The following DLGAP1 variants were observed in gnomAD, a reference collection of about 807,000 sequenced individuals.
DLGAP1 encodes DLG associated protein 1.
Under a neutral mutation model 90.8 loss-of-function variants are expected in DLGAP1, and 11 were observed. That is an observed-to-expected ratio of 0.12 (90% CI 0.08 to 0.20). The LOEUF is 0.20. DLGAP1 is among the 10% of genes least tolerant of loss of function. The pLI, the probability that DLGAP1 is intolerant of heterozygous loss-of-function variation, is 1.00. For synonymous variants in DLGAP1, 558 were observed against 540.7 expected (o/e 1.03, Z -0.44); for missense variants, 1,050 against 1,333.8 (o/e 0.79, Z 3.31).
chr18:4,443,393 C>A (rs1049931930), intron 1 of DLGAP1, among the ~76,000 whole-genome samples: 1 of 152,222 alleles, frequency 6.6e-6, no homozygotes, highest in African/African-American at 2.4e-5. Flanking sequence ...TAGCACCAAC[C>A]ATTGGCAGAG....
intron 1 of DLGAP1, among the ~76,000 whole-genome samples, chr18:4,222,546 G>A (rs1287498511): frequency 1.3e-5 from 2 of 151,984 alleles, no homozygotes; most frequent in Middle Eastern, 3.2e-3. Flanking sequence ...CAACAACAAT[G>A]GAAGTCAGGA....
At chr18:3,628,736 C>T (rs919978027) in intron 7 of DLGAP1, among the ~76,000 whole-genome samples, 1 of 152,156 alleles carries the variant, frequency 6.6e-6, no homozygotes, top group African/African-American at 2.4e-5. Flanking sequence ...AAGAAGCTTA[C>T]TACATATATG....
chr18:4,394,166 CA>C (rs11318137), intron 1 of DLGAP1, among the ~76,000 whole-genome samples: 14,537 of 152,062 alleles, frequency 0.096, 996 homozygotes, highest in African/African-American at 0.2. Flanking sequence ...TATGTGAAGA[CA>C]AAACAGTAAA....
At chr18:4,280,009 C>T (rs1336694561) in intron 1 of DLGAP1, among the ~76,000 whole-genome samples, 3 of 152,114 alleles carry the variant, frequency 2.0e-5, no homozygotes, top group Non-Finnish European at 4.4e-5. Flanking sequence ...AAGCTGTCAT[C>T]TTAAGCTATT....
intron 1 of DLGAP1, among the ~76,000 whole-genome samples, chr18:4,273,963 G>A (rs1285152919): frequency 6.6e-6 from 1 of 151,532 alleles, no homozygotes; most frequent in Non-Finnish European, 1.5e-5. Context: ...TGAACAACCA[G>A]CTTTTAGTTT....
chr18:3,898,076 G>T (rs1485343948), intron 3 of DLGAP1, among the ~76,000 whole-genome samples: 3 of 152,160 alleles, frequency 2.0e-5, no homozygotes, highest in Admixed American at 2.0e-4. Flanking sequence ...TTACAGGCGT[G>T]AGCCACTGCG....
At chr18:3,893,439 C>G (rs1403238764) in intron 3 of DLGAP1, among the ~76,000 whole-genome samples, 1 of 151,742 alleles carries the variant, frequency 6.6e-6, no homozygotes, top group African/African-American at 2.4e-5. Flanking sequence ...ATTAGCTGGG[C>G]CTGGTGATGG....
At chr18:4,273,894 T>A (rs2079343386) in intron 1 of DLGAP1, among the ~76,000 whole-genome samples, 1 of 140,048 alleles carries the variant, frequency 7.1e-6, no homozygotes. Context: ...ATTTGTCTTC[T>A]CTCTTTTTTT....
At chr18:4,292,382 G>GT (rs1029072041) in intron 1 of DLGAP1, among the ~76,000 whole-genome samples, 9 of 151,194 alleles carry the variant, frequency 6.0e-5, no homozygotes, top group East Asian at 3.9e-4. Flanking sequence ...CAGCTACCAA[G>GT]TTTTTTTTTC....
chr18:4,089,233 T>C (rs934566849), intron 2 of DLGAP1, among the ~76,000 whole-genome samples: 1 of 152,092 alleles, frequency 6.6e-6, no homozygotes, highest in African/African-American at 2.4e-5. Flanking sequence ...TACCTAGGAA[T>C]ACAACTTACA....
intron 7 of DLGAP1, among the ~76,000 whole-genome samples, chr18:3,602,469 C>T (rs1157156164): frequency 1.3e-5 from 2 of 151,572 alleles, no homozygotes; most frequent in African/African-American, 4.8e-5. Flanking sequence ...GTGGCGGGCG[C>T]CTGTAGTCCC....
chr18:3,984,874 G>C (rs1207641673), intron 3 of DLGAP1, among the ~76,000 whole-genome samples: 1 of 151,928 alleles, frequency 6.6e-6, no homozygotes, highest in Non-Finnish European at 1.5e-5. Flanking sequence ...TGGCATATTT[G>C]ATTCCTGACC....
intron 2 of DLGAP1, among the ~76,000 whole-genome samples, chr18:4,058,494 C>T (rs2075254608): frequency 6.6e-6 from 1 of 152,190 alleles, no homozygotes; most frequent in Admixed American, 6.5e-5. Flanking sequence ...TGCACAGGGC[C>T]TTACTCTGTA....
chr18:3,848,109 T>A (rs1208709141), intron 4 of DLGAP1, among the ~76,000 whole-genome samples: 1 of 108,586 alleles, frequency 9.2e-6, no homozygotes, highest in South Asian at 3.3e-4. Context: ...GCCTGGATGA[T>A]GGAGCAAGGC....
chr18:4,331,055 T>C (rs1452347044), intron 1 of DLGAP1, among the ~76,000 whole-genome samples: 1 of 151,890 alleles, frequency 6.6e-6, no homozygotes, highest in Non-Finnish European at 1.5e-5. Flanking sequence ...TGGAATGTCC[T>C]CTTAATAAAG....
chr18:4,033,532 T>A (rs1408112363), intron 2 of DLGAP1, among the ~76,000 whole-genome samples: 2 of 152,146 alleles, frequency 1.3e-5, no homozygotes, highest in Non-Finnish European at 2.9e-5. Context: ...ATAATAAATT[T>A]AAAAATTCAA....
In DLGAP1 at chr18:3,660,412, C is replaced by G. The variant is rs1599769708; in HGVS notation, c.1591+68723G>C. On this transcript the variant is annotated intron_variant, in intron 7 of 12. Coordinates refer to ENST00000315677, the MANE Select transcript of DLGAP1 (RefSeq NM_004746.4). This position sits in a 1 kb window ranked among gnomAD's most constrained non-coding sequence, Gnocchi z 4.2. ...TCTGTCCTCCTCATTAGAATATAAT[C>G]AGAAGGAGAGCAGGAACCTGGTCTG... Among the ~76,000 whole-genome samples the G allele has an allele frequency of 6.6e-6, 1 of 152,218 alleles. No individual in the cohort carries two copies. Among genetic ancestry groups the G allele is most frequent in the East Asian group, 1.9e-4 (1 of 5,202 alleles).
Position 3,815,588 on chromosome 18 carries a change from AG to A in DLGAP1, c.958-1316del, listed in dbSNP as rs1440495166. Among the ~76,000 whole-genome samples the A allele has an allele frequency of 4.6e-5, 7 of 152,246 alleles. No homozygotes were observed. In the East Asian group the frequency reaches 9.7e-4, roughly 21 times the overall value. On this transcript the variant is annotated intron_variant, in intron 4 of 12. Coordinates refer to ENST00000315677, the MANE Select transcript of DLGAP1 (RefSeq NM_004746.4). Reference sequence around the variant, plus strand: ...GATACCACAACAAAATCATATTGTCAGTGCACTGCTCTTCTTTTTTCTTTCC... The same window carrying A: ...GATACCACAACAAAATCATATTGTCATGCACTGCTCTTCTTTTTTCTTTCC...
intron 3 of DLGAP1, among the ~76,000 whole-genome samples, chr18:3,944,833 A>G (rs538831069): frequency 2.1e-4 from 32 of 152,268 alleles, no homozygotes; most frequent in African/African-American, 7.5e-4. Flanking sequence ...AAAAATGGAG[A>G]AACTCACCAA....
Sources: gnomAD v4.1 joint callset for allele counts (sites outside exome capture counted in the v4.1 genomes callset) on GRCh38, gnomAD v4.1.1 for gene constraint, Gnocchi (gnomAD v3.1) non-coding constraint, MANE v1.5 for transcripts, NCBI Gene and HGNC (gene_info 2026-07-23, HGNC 2026-07-21) for gene names.